Variants in KIAA1217 observed in about 807,000 individuals in gnomAD.
KIAA1217 encodes sickle tail protein homolog.
In KIAA1217, 88 loss-of-function variants were observed where a neutral mutation model predicts 163.9. The ratio of observed to expected loss-of-function variants is 0.54; its 90% CI spans 0.45 to 0.64. KIAA1217 has a LOEUF of 0.64. Ranked by LOEUF, KIAA1217 falls within the 30% of genes least tolerant of loss-of-function variation. KIAA1217 has a pLI of 0.00. For missense variants in KIAA1217, 2,372 were observed against 2,475.0 expected (o/e 0.96, Z 0.88); for synonymous variants, 903 against 923.1 (o/e 0.98, Z 0.39).
At chr10:24,480,422 AG>A (rs1364966715) in intron 6 of KIAA1217, among the ~76,000 whole-genome samples, 1 of 152,206 alleles carries the variant, frequency 6.6e-6, no homozygotes, top group Non-Finnish European at 1.5e-5. Context: ...AGTTGTTCAG[AG>A]GCAGTAACTT....
intron 17 of KIAA1217, among the ~76,000 whole-genome samples, chr10:24,538,271 CCA>C (rs1237771293): frequency 1.3e-5 from 2 of 152,138 alleles, no homozygotes; most frequent in Non-Finnish European, 2.9e-5. Context: ...CTCATAACCA[CCA>C]CGGCACCCTT....
At chr10:23,845,039 C>T (rs533848999) in intron 1 of KIAA1217, among the ~76,000 whole-genome samples, 34 of 152,278 alleles carry the variant, frequency 2.2e-4, no homozygotes, top group African/African-American at 7.0e-4. Context: ...TTTCCAGCTT[C>T]ATCCATGTCC....
chr10:23,978,803 C>T (rs2131407549), intron 1 of KIAA1217, among the ~76,000 whole-genome samples: 1 of 152,200 alleles, frequency 6.6e-6, no homozygotes, highest in African/African-American at 2.4e-5. Context: ...TTTCCTTGTA[C>T]TTCAATAAGT....
At chr10:24,029,637 C>T (rs989606864) in intron 2 of KIAA1217, among the ~76,000 whole-genome samples, 3 of 152,142 alleles carry the variant, frequency 2.0e-5, no homozygotes, top group Non-Finnish European at 2.9e-5. Context: ...ATTTACTACA[C>T]CTCTCAAGAA....
At chr10:24,048,426 A>G (rs573963294) in intron 2 of KIAA1217, among the ~76,000 whole-genome samples, 3 of 152,314 alleles carry the variant, frequency 2.0e-5, no homozygotes, top group Admixed American at 2.0e-4. Context: ...TTCTTGACTA[A>G]TCTTATTTAA....
At chr10:23,751,830 G>A (rs1253469609) in intron 1 of KIAA1217, among the ~76,000 whole-genome samples, 1 of 152,196 alleles carries the variant, frequency 6.6e-6, no homozygotes, top group Non-Finnish European at 1.5e-5. Context: ...TACAAGCAGT[G>A]TAACCTGGGA....
intron 2 of KIAA1217, among the ~76,000 whole-genome samples, chr10:24,261,585 T>C (rs2075733706): frequency 6.6e-6 from 1 of 152,060 alleles, no homozygotes; most frequent in African/African-American, 2.4e-5. Flanking sequence ...AAATAGGTCC[T>C]GAGTTCTAAT....
chr10:23,830,666 A>ATAGGTAGG (rs143607296), intron 1 of KIAA1217, among the ~76,000 whole-genome samples: 19,115 of 147,756 alleles, frequency 0.13, 1,421 homozygotes, highest in African/African-American at 0.19. Flanking sequence ...ATGAGAAATC[A>ATAGGTAGG]TAGGTAGGTA....
chr10:24,443,018 C>A (rs970043827), intron 5 of KIAA1217, among the ~76,000 whole-genome samples: 5 of 149,984 alleles, frequency 3.3e-5, no homozygotes, highest in African/African-American at 1.2e-4. Flanking sequence ...TCAAGCGATT[C>A]TCCCACCTCA....
intron 2 of KIAA1217, among the ~76,000 whole-genome samples, chr10:24,087,971 C>T (rs933851956): frequency 5.1e-5 from 4 of 77,924 alleles, no homozygotes; most frequent in African/African-American, 1.1e-4. Flanking sequence ...CTACCAGATT[C>T]CCAAACCAAG....
At position 24,427,602 on chromosome 10, in the gene KIAA1217, A is replaced by G. The variant is rs79616373; in HGVS notation, c.554-5393A>G. ...TGACAAGAGATACTGTGCTGATGAGATGAAATACATACACATGGTTTCTGA... is the reference window on the plus strand; with the variant it reads ...TGACAAGAGATACTGTGCTGATGAGGTGAAATACATACACATGGTTTCTGA... On this transcript the variant is annotated intron_variant, in intron 3 of 20. Coordinates refer to ENST00000376454, the MANE Select transcript of KIAA1217 (RefSeq NM_019590.5). Among the ~76,000 whole-genome samples, 1,193 of 152,292 alleles carry G rather than the reference A, an allele frequency of 7.8e-3. 20 individuals are homozygous for G. Among genetic ancestry groups the G allele is most frequent in the African/African-American group, 0.027 (1,139 of 41,556 alleles).
At chr10:23,978,799 T>G (rs147452420) in intron 1 of KIAA1217, among the ~76,000 whole-genome samples, 80 of 152,330 alleles carry the variant, frequency 5.3e-4, no homozygotes, top group African/African-American at 1.9e-3. Flanking sequence ...GTGTTTTCCT[T>G]GTACTTCAAT....
At chr10:24,273,818 G>T (rs1390233231) in intron 2 of KIAA1217, among the ~76,000 whole-genome samples, 1 of 148,436 alleles carries the variant, frequency 6.7e-6, no homozygotes, top group Non-Finnish European at 1.5e-5. Flanking sequence ...GTGCCACTGT[G>T]TTCTAGCCTG....
At chr10:24,255,392 C>A in intron 2 of KIAA1217, 1 of 339,290 alleles carries the variant, frequency 2.9e-6, no homozygotes, top group South Asian at 2.2e-5. Context: ...GGAGAATGGA[C>A]GAGCTGGTTG....
rs776797420 is a variant in KIAA1217, at chr10:24,546,031, C to T, written c.5539C>T (p.Pro1847Ser). ...SNPLSPQTGP[P>S]AHSASLIPSV... ...CCCTCTCAGCCCCCAAACAGGACCA[C>T]CTGCTCACTCTGCCTCCCTCATCCC... Residue 1847 changes from proline to serine, a missense_variant, in exon 21 of 21, where the codon CCT (proline) becomes TCT (serine). Physicochemically the swap from Pro to Ser is moderately conservative, Grantham distance 74. Transcript: ENST00000376454. 3.1e-6 allele frequency: 5 copies of T among 1,614,236 alleles called. No homozygotes were observed. Among genetic ancestry groups the T allele is most frequent in the Non-Finnish European group, 3.4e-6 (4 of 1,180,050 alleles).
intron 2 of KIAA1217, among the ~76,000 whole-genome samples, chr10:24,187,545 G>A (rs569397368): frequency 2.0e-5 from 3 of 152,302 alleles, no homozygotes; most frequent in African/African-American, 7.2e-5. Flanking sequence ...CAGTCCTGAG[G>A]GGGTGGGCCT....
intron 2 of KIAA1217, among the ~76,000 whole-genome samples, chr10:24,127,952 C>G (rs545283808): frequency 6.6e-6 from 1 of 152,284 alleles, no homozygotes; most frequent in East Asian, 1.9e-4. Context: ...AAAGAATTCA[C>G]ACACATACAA....
intron 3 of KIAA1217, among the ~76,000 whole-genome samples, chr10:24,410,099 C>T (rs1022670573): frequency 2.0e-5 from 3 of 149,876 alleles, no homozygotes; most frequent in East Asian, 2.0e-4. Flanking sequence ...CGGGTTCAAG[C>T]GATTCTCCTG....
chr10:23,864,191 G>T (rs1840079212), intron 1 of KIAA1217, among the ~76,000 whole-genome samples: 1 of 151,756 alleles, frequency 6.6e-6, no homozygotes, highest in Admixed American at 6.6e-5. Context: ...TTTGAGCCCA[G>T]ATACACCTGA....
Sources: gnomAD v4.1 joint callset for allele counts (sites outside exome capture counted in the v4.1 genomes callset) on GRCh38, gnomAD v4.1.1 for gene constraint, MANE v1.5 for transcripts, NCBI Gene and HGNC (gene_info 2026-07-23, HGNC 2026-07-21) for gene names.